PTPRG: variants seen among roughly 807,000 people sequenced by gnomAD.
The protein encoded by PTPRG is protein tyrosine phosphatase receptor type G.
PTPRG carries 102 observed loss-of-function variants against 165.3 expected under a neutral mutation model. The observed-to-expected ratio is 0.62, with a 90% confidence interval of 0.53 to 0.73. The LOEUF (loss-of-function observed/expected upper bound fraction) is 0.73, where lower values mean the gene tolerates loss of function less well. PTPRG is among the 30% of genes least tolerant of loss of function. The probability of loss-of-function intolerance (pLI) is 0.00; values close to 1 mark genes in which losing one functional copy is unlikely to be tolerated. For missense variants in PTPRG, 1,866 were observed against 1,861.4 expected (o/e 1.00, Z -0.05); for synonymous variants, 675 against 669.5 (o/e 1.01, Z -0.13).
chr3:61,929,214 TA>T (rs1310324680), intron 2 of PTPRG, among the ~76,000 whole-genome samples: 1 of 152,192 alleles, frequency 6.6e-6, no homozygotes, highest in African/African-American at 2.4e-5. Flanking sequence ...CCTTCTTTTT[TA>T]AAATAACAGA....
chr3:62,207,470 A>C (rs1700258357), intron 12 of PTPRG, among the ~76,000 whole-genome samples: 1 of 152,162 alleles, frequency 6.6e-6, no homozygotes, highest in Non-Finnish European at 1.5e-5. Flanking sequence ...CTCCTCCAGT[A>C]TGGTATTTAT....
chr3:61,763,260 C>T (rs1212397727), intron 2 of PTPRG, among the ~76,000 whole-genome samples: 2 of 151,234 alleles, frequency 1.3e-5, no homozygotes, highest in Non-Finnish European at 3.0e-5. Context: ...TTTTTTGAGA[C>T]GGAGTCTCAC....
At chr3:61,656,541 A>G (rs987832631) in intron 1 of PTPRG, among the ~76,000 whole-genome samples, 1 of 152,216 alleles carries the variant, frequency 6.6e-6, no homozygotes, top group African/African-American at 2.4e-5. Context: ...ACCACTGCAA[A>G]TCATTCCCCT....
Position 62,296,988 on chromosome 3 carries a change from C to T in PTPRG, c.*3681C>T, listed in dbSNP as rs1703084032. The T allele has an allele frequency of 6.6e-6, 1 of 151,894 alleles. No homozygotes were observed. Among genetic ancestry groups the T allele is most frequent in the African/African-American group, 2.4e-5 (1 of 41,380 alleles). The allele number at this position is 151,894 out of a possible 1,614,324, so 9.4% of individuals were successfully genotyped here. ...TCTCCAACATTTGGGGTAGTGACTC[C>T]TTTTTTGTTAGGACATTTGAAACTA... is the stretch of plus-strand genomic sequence containing the variant. On this transcript the variant is annotated 3_prime_UTR_variant, in exon 30 of 30. Coordinates refer to ENST00000474889, the MANE Select transcript of PTPRG (RefSeq NM_002841.4).
intron 1 of PTPRG, among the ~76,000 whole-genome samples, chr3:61,630,532 G>T (rs1403333409): frequency 6.7e-6 from 1 of 150,070 alleles, no homozygotes. Flanking sequence ...TCAGGGAAAA[G>T]AAAACAGTTT....
At chr3:62,005,985 G>A (rs957613731) in intron 4 of PTPRG, among the ~76,000 whole-genome samples, 4 of 152,022 alleles carry the variant, frequency 2.6e-5, no homozygotes, top group Non-Finnish European at 4.4e-5. Context: ...TTACAGGCGT[G>A]AGCCACCGTA....
chr3:62,021,856 T>C (rs929689582), intron 4 of PTPRG, among the ~76,000 whole-genome samples: 1 of 137,352 alleles, frequency 7.3e-6, no homozygotes, highest in Non-Finnish European at 1.6e-5. Context: ...TTTTTCCTTT[T>C]CTTTTTTTTT....
At chr3:61,954,861 C>G (rs1452529469) in intron 2 of PTPRG, among the ~76,000 whole-genome samples, 1 of 152,186 alleles carries the variant, frequency 6.6e-6, no homozygotes, top group African/African-American at 2.4e-5. Flanking sequence ...TGAGAAAGGA[C>G]AAGCTTGAAG....
intron 1 of PTPRG, among the ~76,000 whole-genome samples, chr3:61,653,914 A>C (rs1702437823): frequency 7.1e-6 from 1 of 141,466 alleles, no homozygotes; most frequent in Non-Finnish European, 1.6e-5. Flanking sequence ...GGCGCGGGGA[A>C]CTGTAAGGGA....
chr3:62,248,372 C>T (rs1701337840), intron 15 of PTPRG, among the ~76,000 whole-genome samples: 1 of 151,990 alleles, frequency 6.6e-6, no homozygotes, highest in African/African-American at 2.4e-5. Flanking sequence ...GAAAATGTTC[C>T]CTGGTTACTG....
chr3:61,753,424 G>T (rs970555843), intron 2 of PTPRG, among the ~76,000 whole-genome samples: 13 of 152,060 alleles, frequency 8.5e-5, no homozygotes, highest in Admixed American at 7.9e-4. Flanking sequence ...GTATATTTCT[G>T]TCTTTCTTGA....
chr3:62,013,062 T>C (rs1205119893), intron 4 of PTPRG, among the ~76,000 whole-genome samples: 1 of 152,096 alleles, frequency 6.6e-6, no homozygotes, highest in Non-Finnish European at 1.5e-5. Context: ...TTATTTTATT[T>C]TATTTTAACA....
intron 2 of PTPRG, among the ~76,000 whole-genome samples, chr3:61,765,898 C>A (rs2034001170): frequency 6.6e-6 from 1 of 152,098 alleles, no homozygotes; most frequent in South Asian, 2.1e-4. Flanking sequence ...CTCATTTGTT[C>A]CCAAACCCTC....
intron 1 of PTPRG, among the ~76,000 whole-genome samples, chr3:61,626,233 A>C (rs370278758): frequency 3.9e-5 from 6 of 152,196 alleles, no homozygotes; most frequent in Admixed American, 2.6e-4. Context: ...CTAAAAATGC[A>C]TTATTCTAGT....
At chr3:62,149,034 A>G (rs953462350) in intron 6 of PTPRG, among the ~76,000 whole-genome samples, 1 of 152,152 alleles carries the variant, frequency 6.6e-6, no homozygotes, top group Admixed American at 6.5e-5. Flanking sequence ...TCACCCAATC[A>G]TAACTTCAGT....
chr3:61,870,208 ATAT>A (rs2107439114), intron 2 of PTPRG, among the ~76,000 whole-genome samples: 1 of 152,262 alleles, frequency 6.6e-6, no homozygotes, highest in South Asian at 2.1e-4. Context: ...ATTGCATAAA[ATAT>A]TATGTTTCCT....
chr3:62,020,932 C>T (rs1233155011), intron 4 of PTPRG, among the ~76,000 whole-genome samples: 6 of 151,540 alleles, frequency 4.0e-5, no homozygotes, highest in Non-Finnish European at 5.9e-5. Flanking sequence ...ACCTTGGTCT[C>T]CCAAAGTGCT....
intron 6 of PTPRG, among the ~76,000 whole-genome samples, chr3:62,144,123 C>G (rs1396191646): frequency 6.6e-6 from 1 of 152,186 alleles, no homozygotes; most frequent in Non-Finnish European, 1.5e-5. Flanking sequence ...CAATGGCAAA[C>G]TTGAGTAGCC....
rs1209683592 is a variant in PTPRG, at chr3:61,887,168, A to ATT, written c.191-102456_191-102455insTT. Among the ~76,000 whole-genome samples the ATT allele has an allele frequency of 2.6e-4, 28 of 107,074 alleles. 1 individual carries two copies. Among genetic ancestry groups the ATT allele is most frequent in the East Asian group, 1.3e-3 (4 of 3,044 alleles). The allele number at this position is 107,074 out of a possible 152,430, so 70.2% of individuals were successfully genotyped here. On this transcript the variant is annotated intron_variant, in intron 2 of 29. Coordinates refer to ENST00000474889, the MANE Select transcript of PTPRG (RefSeq NM_002841.4). The stretch of plus-strand genomic sequence containing the variant: ...TATATATATATATATATATATATAT[A>ATT]TATTTTTAATGCCATCATCAAACAC...
Sources: gnomAD v4.1 joint callset for allele counts (sites outside exome capture counted in the v4.1 genomes callset) on GRCh38, gnomAD v4.1.1 for gene constraint, MANE v1.5 for transcripts, NCBI Gene and HGNC (gene_info 2026-07-23, HGNC 2026-07-21) for gene names.